Variants in JAK2 observed in about 807,000 individuals in gnomAD.
The protein encoded by JAK2 is tyrosine-protein kinase JAK2.
In JAK2, 86 loss-of-function variants were observed where a neutral mutation model predicts 139.3. The ratio of observed to expected loss-of-function variants is 0.62; its 90% CI spans 0.52 to 0.74. The LOEUF (loss-of-function observed/expected upper bound fraction) is 0.74, where lower values mean the gene tolerates loss of function less well. JAK2 is among the 30% of genes least tolerant of loss of function. The pLI, the probability that JAK2 is intolerant of heterozygous loss-of-function variation, is 0.00. For missense variants in JAK2, 1,421 were observed against 1,360.3 expected (o/e 1.04, Z -0.70); for synonymous variants, 490 against 437.7 (o/e 1.12, Z -1.49).
intron 22 of JAK2, among the ~76,000 whole-genome samples, chr9:5,105,856 C>T (rs1474237388): frequency 6.6e-6 from 1 of 152,116 alleles, no homozygotes; most frequent in Non-Finnish European, 1.5e-5. Context: ...AACTGGCTAG[C>T]CATATGTAGA....
At chr9:5,111,358 ACCC>A (rs138377711) in intron 22 of JAK2, 22 of 408,534 alleles carry the variant, frequency 5.4e-5, no homozygotes, top group African/African-American at 4.2e-4. Context: ...TCCCGGTACT[ACCC>A]CTCCTACGCC....
At chr9:5,095,676 G>T (rs893421761) in intron 22 of JAK2, among the ~76,000 whole-genome samples, 1 of 151,982 alleles carries the variant, frequency 6.6e-6, no homozygotes, top group African/African-American at 2.4e-5. Flanking sequence ...CAATAAACAC[G>T]ACCAGTCTCC....
At chr9:5,122,155 G>C (rs926747804) in intron 22 of JAK2, among the ~76,000 whole-genome samples, 6 of 152,060 alleles carry the variant, frequency 3.9e-5, no homozygotes, top group African/African-American at 1.4e-4. Flanking sequence ...TTTTGAAGGA[G>C]AGATTAAATC....
intron 22 of JAK2, among the ~76,000 whole-genome samples, chr9:5,103,057 A>C (rs1443638528): frequency 6.6e-6 from 1 of 151,922 alleles, no homozygotes; most frequent in Non-Finnish European, 1.5e-5. Flanking sequence ...TTAACCTTAA[A>C]TGTAAATGGG....
intron 8 of JAK2, among the ~76,000 whole-genome samples, chr9:5,063,334 G>T (rs1818322437): frequency 6.6e-6 from 1 of 152,170 alleles, no homozygotes; most frequent in East Asian, 1.9e-4. Flanking sequence ...AATCAAACCT[G>T]TCATATATGA....
intron 4 of JAK2, chr9:5,041,944 C>G (rs1816573003): frequency 2.6e-6 from 1 of 384,544 alleles, no homozygotes. Context: ...TTTCTTCCCC[C>G]TGAATCTTCT....
intron 4 of JAK2, among the ~76,000 whole-genome samples, chr9:5,040,058 T>G (rs980959180): frequency 6.6e-6 from 1 of 152,322 alleles, no homozygotes; most frequent in East Asian, 1.9e-4. Flanking sequence ...ATTACAAAAT[T>G]TATTACAAAA....
chr9:4,993,528 A>G (rs911576086), intron 2 of JAK2, among the ~76,000 whole-genome samples: 3 of 152,202 alleles, frequency 2.0e-5, no homozygotes, highest in Non-Finnish European at 4.4e-5. Flanking sequence ...TAGGTCAGGT[A>G]TGTATTTTAT....
rs1396714750 is a variant in JAK2, at chr9:5,029,910, C to T, written c.350+4C>T. On this transcript the variant is annotated splice_donor_region_variant and intron_variant, in intron 4 of 24. Transcript: ENST00000381652. ...ATAATGTACTCTACAGAATAAGGTA[C>T]TTTCTTCAGTAAAGTAACTCACTTA... is the stretch of plus-strand genomic sequence containing the variant. 1 of 1,575,314 alleles carries T rather than the reference C, an allele frequency of 6.3e-7. No individual in the cohort carries two copies. Among genetic ancestry groups the T allele is most frequent in the Admixed American group, 2.0e-5 (1 of 50,068 alleles).
intron 22 of JAK2, chr9:5,100,285 C>T (rs1420821287): frequency 6.6e-6 from 1 of 152,188 alleles, no homozygotes; most frequent in Non-Finnish European, 1.5e-5. Flanking sequence ...AGCCCCTGAC[C>T]ACTAACAGAA....
At chr9:5,018,151 G>T (rs1822192256) in intron 2 of JAK2, among the ~76,000 whole-genome samples, 2 of 152,040 alleles carry the variant, frequency 1.3e-5, no homozygotes, top group Non-Finnish European at 2.9e-5. Context: ...TTGATTTCTG[G>T]TTGTTCTGTA....
intron 4 of JAK2, among the ~76,000 whole-genome samples, chr9:5,037,263 T>C (rs1218167453): frequency 6.6e-6 from 1 of 152,156 alleles, no homozygotes; most frequent in Non-Finnish European, 1.5e-5. Context: ...TTGGTGGGAC[T>C]GTAAACTAGT....
rs867133907 is a variant in JAK2 at position 4,985,342 on chromosome 9, G to C, written c.-397G>C. The C allele has an allele frequency of 6.6e-6, 1 of 152,546 alleles. No homozygotes were observed. The highest frequency in any genetic ancestry group is 2.1e-4 in the South Asian group (1 of 4,834). The allele number at this position is 152,546 out of a possible 1,614,324, so 9.4% of individuals were successfully genotyped here. ...GACAGGCTGGGCCGGCGCCCGGCTC[G>C]CTTGGGTGTTCGCGTCGCCACTTCG... On this transcript the variant is annotated 5_prime_UTR_variant, in exon 1 of 25. Coordinates refer to ENST00000381652, the MANE Select transcript of JAK2 (RefSeq NM_004972.4).
At chr9:5,117,676 TAA>T (rs869291524) in intron 22 of JAK2, among the ~76,000 whole-genome samples, 1 of 83,804 alleles carries the variant, frequency 1.2e-5, no homozygotes, top group African/African-American at 5.2e-5. Flanking sequence ...AATAAATTAA[TAA>T]ATATTTTTAT....
Position 5,066,495 on chromosome 9 carries a change from G to C in JAK2, c.1215-183G>C, listed in dbSNP as rs570662686. On this transcript the variant is annotated intron_variant, in intron 9 of 24. Transcript: ENST00000381652. Reference sequence around the variant, plus strand: ...ATATAATTGTCCCTTGAAGTGGTTTGAACTTACTGCAAAATAGCTTGGTAC... The same window carrying C: ...ATATAATTGTCCCTTGAAGTGGTTTCAACTTACTGCAAAATAGCTTGGTAC... Among the ~76,000 whole-genome samples, 9 of 152,136 alleles carry C rather than the reference G, an allele frequency of 5.9e-5. No individual in the cohort carries two copies. In the South Asian group the frequency reaches 1.9e-3, roughly 32 times the overall value.
At chr9:5,052,232 T>C (rs886426828) in intron 6 of JAK2, among the ~76,000 whole-genome samples, 8 of 152,122 alleles carry the variant, frequency 5.3e-5, no homozygotes, top group African/African-American at 1.4e-4. Flanking sequence ...TGGCACAATC[T>C]TTCTATGTAG....
rs1174551056 is a variant in JAK2 at position 5,128,712 on chromosome 9, A to G, written c.*1921A>G. 6.6e-6 allele frequency among the ~76,000 whole-genome samples: 1 copy of G among 151,900 alleles called. No individual in the cohort carries two copies. Among genetic ancestry groups the G allele is most frequent in the Non-Finnish European group, 1.5e-5 (1 of 67,828 alleles). ...CTTATTATAAAATTCCAAGTTTCCA[A>G]GAGACTTCTTTTCATTGAGGCTTCG... On this transcript the variant is annotated 3_prime_UTR_variant, in exon 25 of 25. Coordinates refer to ENST00000381652, the MANE Select transcript of JAK2 (RefSeq NM_004972.4).
rs565959656 is a variant in JAK2, at chr9:5,054,458, C to T, written c.615-105C>T. 62 of 881,182 alleles carry T rather than the reference C, an allele frequency of 7.0e-5. No homozygotes were observed. In the South Asian group the frequency reaches 9.9e-4, roughly 14 times the overall value. 54.6% of individuals were successfully genotyped at this position (881,182 alleles called of 1,614,324 possible). A position where few individuals can be genotyped will look rare whatever the true frequency, so the allele number is the denominator to read the frequency against. On this transcript the variant is annotated intron_variant, in intron 6 of 24. Transcript: ENST00000381652. This position sits in a 1 kb window ranked among gnomAD's most constrained non-coding sequence, Gnocchi z 4.9. ...GCCACTTGGCCACTGTGTTGTAAGGCCTACTTAATCATGGAAAAAGGTGGT... is the reference window on the plus strand; with the variant it reads ...GCCACTTGGCCACTGTGTTGTAAGGTCTACTTAATCATGGAAAAAGGTGGT...
intron 23 of JAK2, among the ~76,000 whole-genome samples, chr9:5,124,168 A>G (rs1823823360): frequency 6.6e-6 from 1 of 151,848 alleles, no homozygotes; most frequent in Non-Finnish European, 1.5e-5. Flanking sequence ...TTTTCTGTTC[A>G]TTCTGTTGAT....
Sources: allele counts gnomAD v4.1 joint callset (sites outside exome capture counted in the v4.1 genomes callset), GRCh38; gene constraint gnomAD v4.1.1; non-coding constraint Gnocchi (gnomAD v3.1); transcripts MANE v1.5; gene names NCBI Gene and HGNC (gene_info 2026-07-23, HGNC 2026-07-21).